Variants in PCDHGA3 observed in about 807,000 individuals in gnomAD.
PCDHGA3 encodes the protein protocadherin gamma subfamily A, 3, also known as protocadherin gamma-A3.
Under a neutral mutation model 58.5 loss-of-function variants are expected in PCDHGA3, and 40 were observed. The ratio of observed to expected loss-of-function variants is 0.68; its 90% CI spans 0.53 to 0.89. The LOEUF is 0.89. PCDHGA3 is among the 40% of genes least tolerant of loss of function. The pLI is 0.00. For missense variants in PCDHGA3, 1,223 were observed against 1,195.9 expected (o/e 1.02, Z -0.33); for synonymous variants, 530 against 525.7 (o/e 1.01, Z -0.11).
At chr5:141,427,695 C>T in intron 1 of PCDHGA3, 1 of 918,214 alleles carries the variant, frequency 1.1e-6, no homozygotes, top group Non-Finnish European at 1.7e-6. Context: ...CTCCATCCCA[C>T]AAGTCAGCGC....
chr5:141,410,164 C>G (rs756470415), intron 1 of PCDHGA3: 8 of 1,613,642 alleles, frequency 5.0e-6, no homozygotes, highest in South Asian at 2.2e-5. Context: ...AGCCGCCACT[C>G]TCTGCCACCG....
intron 1 of PCDHGA3, chr5:141,384,677 C>T (rs919957351): frequency 2.5e-6 from 4 of 1,614,188 alleles, no homozygotes; most frequent in South Asian, 1.1e-5. Context: ...AAGGTGGTGG[C>T]GGTGGACAAA....
intron 1 of PCDHGA3, chr5:141,393,647 A>T: frequency 6.2e-7 from 1 of 1,613,964 alleles, no homozygotes; most frequent in Non-Finnish European, 8.5e-7. Context: ...GAAAAGTGGC[A>T]TACAAATTCC....
intron 1 of PCDHGA3, chr5:141,365,766 C>T (rs6882138): frequency 0.023 from 36,892 of 1,613,774 alleles, 970 homozygotes; most frequent in African/African-American, 0.14. Context: ...GCCCATGACC[C>T]CGACAGCGGC....
chr5:141,421,912 A>G (rs1207036091), intron 1 of PCDHGA3: 2 of 1,613,696 alleles, frequency 1.2e-6, no homozygotes, highest in Admixed American at 1.7e-5. Context: ...CGCAGTTCCC[A>G]TTCGTGTGGT....
intron 1 of PCDHGA3, chr5:141,421,835 G>A (rs755889809): frequency 5.6e-6 from 9 of 1,613,746 alleles, no homozygotes; most frequent in Non-Finnish European, 6.8e-6. Context: ...AGCCTGGACC[G>A]AGAGAAAGAG....
chr5:141,352,452 C>G, intron 1 of PCDHGA3: 1 of 1,614,056 alleles, frequency 6.2e-7, no homozygotes, highest in Non-Finnish European at 8.5e-7. Context: ...TGCTCCAAGT[C>G]TGGGCCCGGG....
At chr5:141,473,779 T>C (rs2099328680) in intron 1 of PCDHGA3, among the ~76,000 whole-genome samples, 1 of 152,204 alleles carries the variant, frequency 6.6e-6, no homozygotes, top group Non-Finnish European at 1.5e-5. Context: ...GGTATTTTAA[T>C]TCAAGAGCAG....
chr5:141,395,190 A>T (rs769197632), intron 1 of PCDHGA3: 1 of 1,614,028 alleles, frequency 6.2e-7, no homozygotes, highest in East Asian at 2.2e-5. Context: ...TTCTTTGTTA[A>T]CATCCGTAGA....
intron 1 of PCDHGA3, chr5:141,361,493 AAC>A: frequency 6.2e-7 from 1 of 1,614,036 alleles, no homozygotes; most frequent in Non-Finnish European, 8.5e-7. Flanking sequence ...CCAGTTTTCC[AAC>A]AGACTTCCTA....
intron 1 of PCDHGA3, chr5:141,408,296 C>T (rs2154539952): frequency 1.2e-6 from 2 of 1,613,550 alleles, no homozygotes; most frequent in Non-Finnish European, 1.7e-6. Flanking sequence ...CCTGAGTGAG[C>T]CGATCCGCTA....
At chr5:141,444,119 T>G (rs1236466434) in intron 1 of PCDHGA3, among the ~76,000 whole-genome samples, 4 of 146,736 alleles carry the variant, frequency 2.7e-5, no homozygotes, top group African/African-American at 1.0e-4. Context: ...AAGTGAAGTA[T>G]CTCAACAGAT....
intron 1 of PCDHGA3, chr5:141,394,762 G>A: frequency 6.2e-7 from 1 of 1,613,396 alleles, no homozygotes; most frequent in Non-Finnish European, 8.5e-7. Flanking sequence ...CAGGACCATG[G>A]CCAGCCCCCT....
chr5:141,482,661 T>A (rs1215403061), intron 1 of PCDHGA3, among the ~76,000 whole-genome samples: 2 of 151,742 alleles, frequency 1.3e-5, no homozygotes, highest in African/African-American at 4.9e-5. Flanking sequence ...TGAGCTATGA[T>A]CTAAAGGTTG....
intron 1 of PCDHGA3, among the ~76,000 whole-genome samples, chr5:141,420,650 A>G (rs2096512866): frequency 6.6e-6 from 1 of 152,244 alleles, no homozygotes; most frequent in Non-Finnish European, 1.5e-5. Context: ...TGTAAGAATT[A>G]TAGTTAGGCA....
At chr5:141,360,575 A>G in intron 1 of PCDHGA3, 1 of 1,614,000 alleles carries the variant, frequency 6.2e-7, no homozygotes, top group Non-Finnish European at 8.5e-7. Flanking sequence ...GAATCCACTA[A>G]GCCAGGTACA....
At chr5:141,419,170 C>T (rs758796140) in intron 1 of PCDHGA3, 4 of 1,613,966 alleles carry the variant, frequency 2.5e-6, no homozygotes, top group Non-Finnish European at 3.4e-6. Context: ...CCAGCAAAAC[C>T]ATAACCCTGC....
rs77983663 is a variant in PCDHGA3, at chr5:141,504,853, C to T, written c.2484-540C>T. 2.8e-4 allele frequency among the ~76,000 whole-genome samples: 42 copies of T among 152,214 alleles called. No homozygotes were observed. In the East Asian group the frequency reaches 7.7e-3, roughly 28 times the overall value. On this transcript the variant is annotated intron_variant, in intron 2 of 3. Transcript: ENST00000253812. ...TTCTCTAGCTCTGGAACATTCTCTT[C>T]CATTTCCCACCTTCACAGTCCTCTG... is the stretch of plus-strand genomic sequence containing the variant.
chr5:141,425,013 G>T (rs1666336437), intron 1 of PCDHGA3, among the ~76,000 whole-genome samples: 1 of 152,108 alleles, frequency 6.6e-6, no homozygotes, highest in Non-Finnish European at 1.5e-5. Flanking sequence ...TCTCATTTAG[G>T]AATTTACCTT....
Sources: allele counts gnomAD v4.1 joint callset (sites outside exome capture counted in the v4.1 genomes callset), GRCh38; gene constraint gnomAD v4.1.1; transcripts MANE v1.5; gene names NCBI Gene and HGNC (gene_info 2026-07-23, HGNC 2026-07-21).